HUNK: variants seen among roughly 807,000 people sequenced by gnomAD.
HUNK encodes the protein hormonally up-regulated neu tumor-associated kinase.
In HUNK, 21 loss-of-function variants were observed where a neutral mutation model predicts 61.0. The ratio of observed to expected loss-of-function variants is 0.34; its 90% CI spans 0.24 to 0.50. The LOEUF (loss-of-function observed/expected upper bound fraction) is 0.50, where lower values mean the gene tolerates loss of function less well. HUNK is among the 20% of genes least tolerant of loss of function. HUNK has a pLI of 0.98. For synonymous variants in HUNK, 371 were observed against 386.1 expected (o/e 0.96, Z 0.46); for missense variants, 772 against 945.7 (o/e 0.82, Z 2.41).
At chr21:31,907,672 C>T (rs1345472262) in intron 1 of HUNK, among the ~76,000 whole-genome samples, 2 of 152,164 alleles carry the variant, frequency 1.3e-5, no homozygotes, top group African/African-American at 4.8e-5. Flanking sequence ...ACATATTTCA[C>T]ACCTCTGATC....
intron 2 of HUNK, among the ~76,000 whole-genome samples, chr21:31,931,198 G>C (rs561558630): frequency 6.6e-6 from 1 of 151,504 alleles, no homozygotes; most frequent in Non-Finnish European, 1.5e-5. Flanking sequence ...GACCATCCCT[G>C]TAGGCAAAAC....
chr21:31,890,383 C>T (rs930177609), intron 1 of HUNK, among the ~76,000 whole-genome samples: 16 of 152,242 alleles, frequency 1.1e-4, no homozygotes, highest in Admixed American at 3.9e-4. Context: ...CACCCACCTC[C>T]GTGCCCAGCT....
chr21:31,916,736 G>A (rs573216853), intron 1 of HUNK, among the ~76,000 whole-genome samples: 150 of 151,708 alleles, frequency 9.9e-4, no homozygotes, highest in African/African-American at 3.6e-3. Flanking sequence ...GAGTGCAATG[G>A]AGCTTTCTTG....
At chr21:31,957,462 T>C (rs1207475657) in intron 4 of HUNK, among the ~76,000 whole-genome samples, 2 of 152,242 alleles carry the variant, frequency 1.3e-5, no homozygotes, top group Admixed American at 1.3e-4. Context: ...TGTCATTATC[T>C]GAAATGCCAT....
Position 31,998,618 on chromosome 21 carries a change from AG to A in HUNK, c.1581del (p.Thr528ProfsTer5). The A allele has an allele frequency of 6.2e-7, 1 of 1,614,062 alleles. No individual in the cohort carries two copies. The highest frequency in any genetic ancestry group is 1.1e-5 in the South Asian group (1 of 91,072). On this transcript the variant is annotated frameshift_variant, in exon 11 of 11. Coordinates refer to ENST00000270112, the MANE Select transcript of HUNK (RefSeq NM_014586.2). LOFTEE classifies it high-confidence loss of function. ...SMEFIPVPPP[R>X]TPRIVKKPEP... Reference sequence around the variant, plus strand: ...GGAGTTCATCCCCGTGCCACCGCCCAGGACCCCGAGGATTGTGAAGAAACCG... The same window carrying A: ...GGAGTTCATCCCCGTGCCACCGCCCAGACCCCGAGGATTGTGAAGAAACCG...
At chr21:31,958,371 T>C (rs1024376087) in intron 4 of HUNK, among the ~76,000 whole-genome samples, 2 of 152,056 alleles carry the variant, frequency 1.3e-5, no homozygotes, top group Non-Finnish European at 2.9e-5. Context: ...TGATCTTGGC[T>C]CAGTGCAACC....
chr21:31,873,992 AC>A lies in HUNK; in HGVS notation c.261+61del, dbSNP rs1207023125. The A allele has an allele frequency of 1.5e-6, 2 of 1,328,018 alleles. No individual in the cohort carries two copies. Among genetic ancestry groups the A allele is most frequent in the Middle Eastern group, 2.7e-4 (1 of 3,752 alleles). The allele number at this position is 1,328,018 out of a possible 1,614,324, so 82.3% of individuals were successfully genotyped here. On this transcript the variant is annotated intron_variant, in intron 1 of 10. Coordinates refer to ENST00000270112, the MANE Select transcript of HUNK (RefSeq NM_014586.2). This position sits in a 1 kb window ranked among gnomAD's most constrained non-coding sequence, Gnocchi z 6.1. Reference sequence around the variant, plus strand: ...ACAGGGGCGGGAGTCGGCGGCCAGGACCCCGCGGGGAGCACTGCACTGGGAG... The same window carrying A: ...ACAGGGGCGGGAGTCGGCGGCCAGGACCCGCGGGGAGCACTGCACTGGGAG...
chr21:31,885,747 T>C (rs1202022454), intron 1 of HUNK, among the ~76,000 whole-genome samples: 2 of 152,146 alleles, frequency 1.3e-5, no homozygotes, highest in Non-Finnish European at 2.9e-5. Flanking sequence ...ATTTTTTTAT[T>C]TTTTTGATAC....
intron 2 of HUNK, among the ~76,000 whole-genome samples, chr21:31,938,488 T>A (rs1482403538): frequency 6.6e-6 from 1 of 151,700 alleles, no homozygotes; most frequent in Non-Finnish European, 1.5e-5. Flanking sequence ...TGAGTAGCTG[T>A]CCCCGTTAAG....
chr21:31,936,595 G>GGTT (rs2052734609), intron 2 of HUNK, among the ~76,000 whole-genome samples: 1 of 152,140 alleles, frequency 6.6e-6, no homozygotes, highest in South Asian at 2.1e-4. Context: ...GATGGGAGTT[G>GGTT]GTTATAATGG....
Position 32,000,781 on chromosome 21 carries a change from T to G in HUNK, c.*1597T>G. On this transcript the variant is annotated 3_prime_UTR_variant, in exon 11 of 11. Coordinates refer to ENST00000270112, the MANE Select transcript of HUNK (RefSeq NM_014586.2). The stretch of plus-strand genomic sequence containing the variant: ...ATTCTCTCATTCACCAGTGGTGACA[T>G]CCTTCAGTCCCTCACATCTCTGACA... The G allele has an allele frequency of 2.5e-6, 1 of 398,610 alleles. No homozygotes were observed. The highest frequency in any genetic ancestry group is 4.4e-6 in the Non-Finnish European group (1 of 226,070). 24.7% of individuals were successfully genotyped at this position (398,610 alleles called of 1,614,324 possible).
At chr21:31,983,288 C>G (rs1053863731) in intron 7 of HUNK, among the ~76,000 whole-genome samples, 1 of 152,194 alleles carries the variant, frequency 6.6e-6, no homozygotes. Context: ...TCACCTGGCC[C>G]TTTACTGGCA....
intron 3 of HUNK, among the ~76,000 whole-genome samples, chr21:31,943,495 A>G (rs1008971122): frequency 1.3e-5 from 2 of 152,230 alleles, no homozygotes; most frequent in African/African-American, 4.8e-5. Context: ...AATTATAGGC[A>G]GATGTGTACA....
At chr21:31,906,885 C>G (rs1009883360) in intron 1 of HUNK, among the ~76,000 whole-genome samples, 4 of 152,038 alleles carry the variant, frequency 2.6e-5, no homozygotes, top group Non-Finnish European at 5.9e-5. Context: ...TTGAAATGTG[C>G]CTGGTCTGGC....
intron 1 of HUNK, among the ~76,000 whole-genome samples, chr21:31,878,327 A>G (rs990320348): frequency 6.6e-6 from 1 of 152,116 alleles, no homozygotes; most frequent in East Asian, 1.9e-4. Context: ...AAATGAAGCA[A>G]CTTAGAAACC....
intron 7 of HUNK, among the ~76,000 whole-genome samples, chr21:31,982,539 T>A (rs2053104886): frequency 6.6e-6 from 1 of 152,250 alleles, no homozygotes; most frequent in African/African-American, 2.4e-5. Flanking sequence ...TTTCCTCTTT[T>A]TAAAACCACG....
At position 31,903,449 on chromosome 21, in the gene HUNK, G is replaced by T. The variant is rs1003059975; in HGVS notation, c.262-21019G>T. ...TTGGAATAGTAAAAAATGTTCGCTA[G>T]GTACTAAAAATACTGTGGAGTTGAA... On this transcript the variant is annotated intron_variant, in intron 1 of 10. Coordinates refer to ENST00000270112, the MANE Select transcript of HUNK (RefSeq NM_014586.2). Among the ~76,000 whole-genome samples, 15 of 152,014 alleles carry T rather than the reference G, an allele frequency of 9.9e-5. No homozygotes were observed. In the East Asian group the frequency reaches 2.9e-3, roughly 29 times the overall value.
At position 31,884,967 on chromosome 21, in the gene HUNK, G is replaced by A. The variant is rs138230794; in HGVS notation, c.261+11032G>A. On this transcript the variant is annotated intron_variant, in intron 1 of 10. Transcript: ENST00000270112. ...TAATTTTTGTATTTTTAGTAGAAAT[G>A]GGGTTTTGCCTTGTTGGTCAGGCTG... Among the ~76,000 whole-genome samples the A allele has an allele frequency of 7.0e-3, 1,072 of 152,078 alleles. 19 individuals carry two copies. Among genetic ancestry groups the A allele is most frequent in the African/African-American group, 0.024 (1,016 of 41,504 alleles).
At chr21:31,940,074 C>G (rs1404668336) in intron 2 of HUNK, 91 bp from the exon 3 acceptor site, 2 of 1,029,600 alleles carry the variant, frequency 1.9e-6, no homozygotes, top group Admixed American at 2.5e-5. Context: ...AGAAGTGGCT[C>G]TAAAAACAGT....
Sources: gnomAD v4.1 joint callset for allele counts (sites outside exome capture counted in the v4.1 genomes callset) on GRCh38, gnomAD v4.1.1 for gene constraint, Gnocchi (gnomAD v3.1) non-coding constraint, MANE v1.5 for transcripts, NCBI Gene and HGNC (gene_info 2026-07-23, HGNC 2026-07-21) for gene names.